C1S: variants seen among roughly 807,000 people sequenced by gnomAD.
The protein encoded by C1S is complement C1s.
A neutral mutation model predicts 54.0 loss-of-function variants in C1S; 31 were observed. The observed-to-expected ratio is 0.57, with a 90% confidence interval of 0.43 to 0.78. The LOEUF is 0.78. C1S is among the 30% of genes least tolerant of loss of function. The pLI is 0.00. For synonymous variants in C1S, 292 were observed against 303.6 expected, an observed-to-expected ratio of 0.96 and a Z score of 0.40; for missense variants, 727 against 851.8, an observed-to-expected ratio of 0.85 and a Z score of 1.82.
chr12:7,065,464 T>A lies in C1S; in HGVS notation c.717+165T>A, dbSNP rs917478438. 6 of 707,922 alleles carry A rather than the reference T, an allele frequency of 8.5e-6. No homozygotes were observed. In the Admixed American group the frequency reaches 1.2e-4, roughly 14 times the overall value. 43.9% of individuals were successfully genotyped at this position (707,922 alleles called of 1,614,324 possible). Reference sequence around the variant, plus strand: ...TTGATCTCTTGGGCTCAAGCAAGCGTCCCACCTCAGCCTCCTGAGTAGCTG... The same window carrying A: ...TTGATCTCTTGGGCTCAAGCAAGCGACCCACCTCAGCCTCCTGAGTAGCTG... On this transcript the variant is annotated intron_variant, in intron 6 of 11. Coordinates refer to ENST00000360817, the MANE Select transcript of C1S (RefSeq NM_001734.5).
At chr12:7,067,282 ATCTGG>A in intron 9 of C1S, 165 bp downstream of exon 9, 1 of 686,238 alleles carries the variant, frequency 1.5e-6, no homozygotes, top group Non-Finnish European at 2.6e-6. Context: ...CCAGCCCCGC[ATCTGG>A]TCCCAGGCCA....
intron 4 of C1S, 98 bp from the exon 5 acceptor site, chr12:7,064,169 C>T: frequency 8.3e-7 from 1 of 1,201,674 alleles, no homozygotes. Flanking sequence ...AAGCAATAGG[C>T]CTTTCCTACT....
chr12:7,069,816 T>C, intron 11 of C1S, 39 bp from the exon 12 acceptor site: 4 of 1,546,386 alleles, frequency 2.6e-6, no homozygotes, highest in Non-Finnish European at 3.6e-6. Flanking sequence ...GCCAGCATCA[T>C]TTCTTCCTCC....
intron 5 of C1S, 56 bp downstream of exon 5, chr12:7,064,448 C>G: frequency 6.2e-7 from 1 of 1,608,554 alleles, no homozygotes; most frequent in Non-Finnish European, 8.5e-7. Flanking sequence ...TGGCTGAGGC[C>G]TCAGAAAGGG....
At chr12:7,067,483 G>A (rs1409013362) in intron 9 of C1S, 160 bp from the exon 10 acceptor site, 8 of 822,534 alleles carry the variant, frequency 9.7e-6, no homozygotes, top group South Asian at 9.4e-5. Context: ...AGAGATGCCA[G>A]TTGGGGAGGA....
At position 7,070,177 on chromosome 12, in the gene C1S, A is replaced by G; in HGVS notation, c.1593A>G (p.Ala531=). 6.2e-7 allele frequency: 1 copy of G among 1,614,194 alleles called. No individual in the cohort carries two copies. The part of the protein sequence containing the change: ...EGRTNFDNDI[A]LVRLKDPVKM... ...GAACCAATTTTGATAATGACATTGC[A>G]CTGGTGCGGCTGAAAGACCCAGTGA... Residue 531 remains alanine, a synonymous_variant, in exon 12 of 12, where the codon GCA becomes GCG. Coordinates refer to ENST00000360817, the MANE Select transcript of C1S (RefSeq NM_001734.5). The surrounding 1 kb of genome is among the most constrained non-coding windows in gnomAD (Gnocchi z 4.9).
At chr12:7,067,829 T>G in intron 10 of C1S, 58 bp downstream of exon 10, 1 of 1,536,950 alleles carries the variant, frequency 6.5e-7, no homozygotes. Context: ...GGAGGGTGGA[T>G]AGCATAATCT....
At chr12:7,062,447 C>T (rs1555161384) in intron 2 of C1S, 28 bp from the exon 3 acceptor site, 1 of 1,584,486 alleles carries the variant, frequency 6.3e-7, no homozygotes, top group Non-Finnish European at 8.7e-7. Flanking sequence ...GCCTGGTCAC[C>T]CGCCAATCTA....
chr12:7,065,907 A>G lies in C1S; in HGVS notation c.808A>G (p.Ile270Val), dbSNP rs781960849. ...TGAAACCAAGAGTAATGCTCTTGAT[A>G]TCATCTTCCAAACTGATCTAACAGG... ...NIETKSNALD[I>V]IFQTDLTGQK... is the part of the protein sequence containing the mutation. The change falls in exon 7 of 12, where the codon ATC becomes GTC. Residue 270 changes from isoleucine (I) to valine (V), a missense_variant. Coordinates refer to ENST00000360817, the MANE Select transcript of C1S (RefSeq NM_001734.5). 3 of 1,612,530 alleles carry G rather than the reference A, an allele frequency of 1.9e-6. No homozygotes were observed. The highest frequency in any genetic ancestry group is 2.2e-5 in the South Asian group (2 of 91,038).
At chr12:7,063,210 C>G (rs1333417716) in intron 4 of C1S, 143 bp downstream of exon 4, 6 of 746,278 alleles carry the variant, frequency 8.0e-6, no homozygotes, top group Non-Finnish European at 1.3e-5. Context: ...CTCCATAAAT[C>G]ACTTTTGTGA....
chr12:7,068,271 T>C (rs145255719), intron 10 of C1S, among the ~76,000 whole-genome samples, 185 bp from the exon 11 acceptor site: 2 of 152,304 alleles, frequency 1.3e-5, no homozygotes, highest in East Asian at 3.9e-4. Flanking sequence ...CCTGGCAGGC[T>C]AGAGGCCTGA....
chr12:7,068,641 G>A (rs1170027279), intron 11 of C1S, 111 bp downstream of exon 11: 1 of 783,884 alleles, frequency 1.3e-6, no homozygotes, highest in East Asian at 2.5e-5. Flanking sequence ...ACCTGCCAGA[G>A]TCCAGCTCAG....
At chr12:7,066,872 C>T (rs911656234) in intron 8 of C1S, 167 bp from the exon 9 acceptor site, 1 of 716,594 alleles carries the variant, frequency 1.4e-6, no homozygotes, top group Admixed American at 2.0e-5. Context: ...TGGGGCAAAG[C>T]TTTCTGTCAG....
intron 11 of C1S, among the ~76,000 whole-genome samples, chr12:7,069,052 C>T (rs781900016): frequency 1.3e-5 from 2 of 152,034 alleles, no homozygotes; most frequent in East Asian, 3.9e-4. Context: ...CATTCGTGTC[C>T]GTATAACAGC....
In C1S at chr12:7,068,862, T is replaced by C. The variant is rs1289750829; in HGVS notation, c.1270+332T>C. 16 of 345,248 alleles carry C rather than the reference T, an allele frequency of 4.6e-5. No individual in the cohort carries two copies. The Admixed American group carries it at 5.4e-4, about 12-fold the overall frequency. The allele number at this position is 345,248 out of a possible 1,614,324, so 21.4% of individuals were successfully genotyped here. A position where few individuals can be genotyped will look rare whatever the true frequency, so the allele number is the denominator to read the frequency against. On this transcript the variant is annotated intron_variant, in intron 11 of 11. Coordinates refer to ENST00000360817, the MANE Select transcript of C1S (RefSeq NM_001734.5). The stretch of plus-strand genomic sequence containing the variant: ...AGTAATCAACACTCAGAAACAAGTC[T>C]AGCTAAATAGCCTAGTTATTATATT...
At chr12:7,064,749 CT>C (rs1201990302) in intron 5 of C1S, among the ~76,000 whole-genome samples, 2 of 152,058 alleles carry the variant, frequency 1.3e-5, no homozygotes, top group Admixed American at 6.6e-5. Context: ...GGCATCTATT[CT>C]TAGTTACTCA....
chr12:7,066,393 A>G (rs1555162226), intron 7 of C1S, 125 bp from the exon 8 acceptor site: 1 of 719,216 alleles, frequency 1.4e-6, no homozygotes, highest in African/African-American at 1.7e-5. Flanking sequence ...CTGTATTGGA[A>G]TGTTAAGCAT....
At position 7,068,529 on chromosome 12, in the gene C1S, A is replaced by T; in HGVS notation, c.1269A>T (p.Pro423=). The T allele has an allele frequency of 1.2e-6, 2 of 1,610,226 alleles. No individual in the cohort carries two copies. Among genetic ancestry groups the T allele is most frequent in the Non-Finnish European group, 1.7e-6 (2 of 1,176,508 alleles). ...VLGPELPKCV[P]VCGVPREPFE... is the part of the protein sequence containing the mutation. ...GCCCGGAGCTGCCGAAATGTGTTCC[A>T]GGTAAGGAGGGCTGAGGCTTGGGGA... The change falls in exon 11 of 12, where the codon CCA becomes CCT. Residue 423 remains proline, a splice_region_variant and synonymous_variant. Transcript: ENST00000360817.
chr12:7,069,720 G>A, intron 11 of C1S, 135 bp from the exon 12 acceptor site: 2 of 825,106 alleles, frequency 2.4e-6, no homozygotes, highest in Non-Finnish European at 2.1e-6. Context: ...TGAGATTGTT[G>A]ACCAAATAGG....
Sources: gnomAD v4.1 joint callset for allele counts (sites outside exome capture counted in the v4.1 genomes callset) on GRCh38, gnomAD v4.1.1 for gene constraint, Gnocchi (gnomAD v3.1) non-coding constraint, MANE v1.5 for transcripts, NCBI Gene and HGNC (gene_info 2026-07-23, HGNC 2026-07-21) for gene names.